The following TBC1D31 variants were observed in gnomAD, a reference collection of about 807,000 sequenced individuals.
TBC1D31 encodes WD repeat domain 67.
A neutral mutation model predicts 132.9 loss-of-function variants in TBC1D31; 99 were observed. The observed-to-expected ratio is 0.74, with a 90% CI of 0.63 to 0.88. The LOEUF (loss-of-function observed/expected upper bound fraction) is 0.88, where lower values mean the gene tolerates loss of function less well. Among genes scored for constraint, TBC1D31 ranks in the 40% least tolerant of loss-of-function variants. The pLI, the probability that TBC1D31 is intolerant of heterozygous loss-of-function variation, is 0.00. For synonymous variants in TBC1D31, 385 were observed against 419.4 expected (o/e 0.92, Z 1.00); for missense variants, 1,134 against 1,256.6 (o/e 0.90, Z 1.48).
chr8:123,115,990 TTAACTA>T (rs1326733384), intron 10 of TBC1D31, among the ~76,000 whole-genome samples: 3 of 152,124 alleles, frequency 2.0e-5, no homozygotes, highest in Non-Finnish European at 4.4e-5. Context: ...GCTTGCCACA[TTAACTA>T]TAAAGTATAC....
intron 17 of TBC1D31, among the ~76,000 whole-genome samples, chr8:123,140,251 A>G (rs527485571): frequency 4.6e-5 from 7 of 152,178 alleles, no homozygotes; most frequent in Non-Finnish European, 1.0e-4. Flanking sequence ...AATCCCAGCT[A>G]CTTGGGAGGC....
In TBC1D31 at chr8:123,116,786, G is replaced by A. The variant is rs562158468; in HGVS notation, c.1437-3269G>A. 1.4e-3 allele frequency among the ~76,000 whole-genome samples: 220 copies of A among 152,210 alleles called. 1 individual carries two copies. The highest frequency in any genetic ancestry group is 0.014 in the Middle Eastern group (4 of 294). ...TAAAAGTTTCCAGTGGCCAAAGCTG[G>A]AACAATTTGAGGAACAAAATAAATA... On this transcript the variant is annotated intron_variant, in intron 10 of 21. Transcript: ENST00000287380.
At chr8:123,117,739 C>T (rs975115387) in intron 10 of TBC1D31, among the ~76,000 whole-genome samples, 2 of 118,292 alleles carry the variant, frequency 1.7e-5, no homozygotes, top group African/African-American at 6.8e-5. Context: ...GGCGACAGAG[C>T]GAAACTCCGT....
At chr8:123,080,286 G>A (rs1814993709) in intron 2 of TBC1D31, among the ~76,000 whole-genome samples, 1 of 152,160 alleles carries the variant, frequency 6.6e-6, no homozygotes. Flanking sequence ...CAAGACAAAA[G>A]AAGAGGACCT....
In TBC1D31 at chr8:123,073,590, G is replaced by T. The variant is rs1284051576; in HGVS notation, c.77+744G>T. 2.0e-5 allele frequency among the ~76,000 whole-genome samples: 3 copies of T among 152,162 alleles called. No homozygotes were observed. The East Asian group carries it at 5.8e-4, about 29-fold the overall frequency. ...TACAAAGCGGTGCCATTTGGATTTC[G>T]ATTTCTGCACGCAGAGTGATCTTAT... On this transcript the variant is annotated intron_variant, in intron 1 of 21. Transcript: ENST00000287380.
intron 8 of TBC1D31, among the ~76,000 whole-genome samples, chr8:123,106,696 C>T (rs1586633480): frequency 6.6e-6 from 1 of 152,092 alleles, no homozygotes; most frequent in East Asian, 1.9e-4. Context: ...GTGTCTAAAA[C>T]AGATTACAGC....
At chr8:123,073,913 T>TG (rs1814198913) in intron 1 of TBC1D31, among the ~76,000 whole-genome samples, 4 of 152,082 alleles carry the variant, frequency 2.6e-5, no homozygotes, top group Non-Finnish European at 5.9e-5. Flanking sequence ...CTTGAACTCC[T>TG]GGCCTCAGGT....
chr8:123,089,048 T>G (rs1225668126), intron 4 of TBC1D31, among the ~76,000 whole-genome samples: 1 of 152,208 alleles, frequency 6.6e-6, no homozygotes, highest in Non-Finnish European at 1.5e-5. Flanking sequence ...GATTCCCAAT[T>G]TGAAAATCTG....
intron 20 of TBC1D31, among the ~76,000 whole-genome samples, chr8:123,147,372 C>G (rs775347371): frequency 1.3e-5 from 2 of 152,114 alleles, no homozygotes; most frequent in Non-Finnish European, 2.9e-5. Flanking sequence ...GGGGTTTCAC[C>G]ATGTTGGGCA....
At chr8:123,144,923 A>G in intron 20 of TBC1D31, 68 bp downstream of exon 20, 1 of 1,386,756 alleles carries the variant, frequency 7.2e-7, no homozygotes, top group Admixed American at 2.4e-5. Flanking sequence ...GTCTATTATT[A>G]TGATTTTTTT....
chr8:123,109,000 C>G (rs766042444), intron 8 of TBC1D31, among the ~76,000 whole-genome samples: 6 of 152,184 alleles, frequency 3.9e-5, no homozygotes, highest in Non-Finnish European at 7.3e-5. Context: ...CATCCTTCAA[C>G]ACGTGGGGAT....
chr8:123,097,580 G>A, intron 6 of TBC1D31, 139 bp downstream of exon 6: 3 of 1,094,586 alleles, frequency 2.7e-6, no homozygotes, highest in South Asian at 3.7e-5. Flanking sequence ...TTTTTGTGAA[G>A]AGTCTAGGAT....
At chr8:123,137,350 C>G (rs913208491) in intron 17 of TBC1D31, among the ~76,000 whole-genome samples, 2 of 152,282 alleles carry the variant, frequency 1.3e-5, no homozygotes, top group Middle Eastern at 3.4e-3. Flanking sequence ...CAAGACCACC[C>G]TCAGGTTCAG....
intron 7 of TBC1D31, chr8:123,102,351 T>TTGCCGTGGCATG: frequency 2.5e-6 from 1 of 395,288 alleles, no homozygotes; most frequent in African/African-American, 2.4e-5. Flanking sequence ...GGAGTGGCGT[T>TTGCCGTGGCATG]TGCCACCTTT....
chr8:123,144,049 C>A (rs1222415111), intron 19 of TBC1D31, among the ~76,000 whole-genome samples: 1 of 151,804 alleles, frequency 6.6e-6, no homozygotes, highest in Non-Finnish European at 1.5e-5. Context: ...TGTGATCCTT[C>A]CTTACCCTAT....
At chr8:123,080,935 A>G (rs1438512496) in intron 2 of TBC1D31, among the ~76,000 whole-genome samples, 1 of 152,160 alleles carries the variant, frequency 6.6e-6, no homozygotes, top group Non-Finnish European at 1.5e-5. Context: ...GCCACCCTTC[A>G]CTAAAAACAT....
chr8:123,149,968 C>A (rs764473072), intron 20 of TBC1D31, 68 bp from the exon 21 acceptor site: 2 of 1,095,090 alleles, frequency 1.8e-6, no homozygotes, highest in Non-Finnish European at 1.4e-6. Flanking sequence ...TACTAGGGAC[C>A]ATTTGGAATT....
At chr8:123,121,890 A>G in intron 11 of TBC1D31, among the ~76,000 whole-genome samples, 1 of 152,234 alleles carries the variant, frequency 6.6e-6, no homozygotes, top group Non-Finnish European at 1.5e-5. Flanking sequence ...AAGGACTTGA[A>G]TAGACATTTC....
intron 4 of TBC1D31, among the ~76,000 whole-genome samples, chr8:123,085,899 A>G (rs1586569333): frequency 6.6e-6 from 1 of 152,338 alleles, no homozygotes; most frequent in Middle Eastern, 3.4e-3. Flanking sequence ...TGAGCCCCAC[A>G]GATGCCCCAG....
Sources: gnomAD v4.1 joint callset for allele counts (sites outside exome capture counted in the v4.1 genomes callset) on GRCh38, gnomAD v4.1.1 for gene constraint, MANE v1.5 for transcripts, NCBI Gene and HGNC (gene_info 2026-07-23, HGNC 2026-07-21) for gene names.